Variants in KANSL1 observed in about 807,000 individuals in gnomAD.
The protein encoded by KANSL1 is KAT8 regulatory NSL complex subunit 1.
In KANSL1, 22 loss-of-function variants were observed where a neutral mutation model predicts 103.6. The observed-to-expected ratio is 0.21, with a 90% CI of 0.15 to 0.30. The LOEUF (loss-of-function observed/expected upper bound fraction) is 0.30. KANSL1 is among the 10% of genes least tolerant of loss of function. KANSL1 has a pLI of 1.00. For missense variants in KANSL1, 1,337 were observed against 1,399.8 expected (o/e 0.96, Z 0.72); for synonymous variants, 600 against 527.6 (o/e 1.14, Z -1.88).
In KANSL1 at chr17:46,218,255, A is replaced by C. The variant is rs569555764; in HGVS notation, c.-90+5416T>G. 7.2e-5 allele frequency among the ~76,000 whole-genome samples: 11 copies of C among 152,392 alleles called. No homozygotes were observed. The South Asian group carries it at 1.9e-3, about 26-fold the overall frequency. On this transcript the variant is annotated intron_variant, in intron 1 of 14. Transcript: ENST00000572904. Reference sequence around the variant, plus strand: ...GCAGCAGCCTTAGCAAACAGATGTCATAAGAAAATTCGCAGCTCAGGTTTA... The same window carrying C: ...GCAGCAGCCTTAGCAAACAGATGTCCTAAGAAAATTCGCAGCTCAGGTTTA...
intron 6 of KANSL1, among the ~76,000 whole-genome samples, chr17:46,064,539 C>T (rs1345994565): frequency 6.6e-6 from 1 of 151,990 alleles, no homozygotes; most frequent in East Asian, 1.9e-4. Context: ...CCAATGTCTG[C>T]AACAACCCCA....
intron 2 of KANSL1, 101 bp downstream of exon 2, chr17:46,170,754 C>A: frequency 1.5e-6 from 2 of 1,296,208 alleles, no homozygotes; most frequent in Non-Finnish European, 1.1e-6. Flanking sequence ...AACCTAGACA[C>A]CTATGTACAA....
In KANSL1 at chr17:46,116,625, T is replaced by G. The variant is rs538784772; in HGVS notation, c.1290-21924A>C. ...TTAAAAGTAGATCAGGAAGGAATAATAAGTCAATTCATTATCAACCTTGTG... is the reference window on the plus strand; with the variant it reads ...TTAAAAGTAGATCAGGAAGGAATAAGAAGTCAATTCATTATCAACCTTGTG... On this transcript the variant is annotated intron_variant, in intron 2 of 14. Transcript: ENST00000432791. Among the ~76,000 whole-genome samples the G allele has an allele frequency of 2.6e-4, 39 of 152,290 alleles. No homozygotes were observed. In the South Asian group the frequency reaches 7.9e-3, roughly 31 times the overall value.
chr17:46,061,571 A>C (rs748011789), intron 6 of KANSL1, among the ~76,000 whole-genome samples: 11 of 152,152 alleles, frequency 7.2e-5, no homozygotes, highest in Non-Finnish European at 1.6e-4. Context: ...ACAACTAGTA[A>C]TTCCGTCATT....
At chr17:46,075,097 T>C in intron 4 of KANSL1, among the ~76,000 whole-genome samples, 1 of 152,158 alleles carries the variant, frequency 6.6e-6, no homozygotes, top group East Asian at 1.9e-4. Context: ...TCTCACATAT[T>C]GAAGGACATT....
At chr17:46,085,462 C>T (rs1043922033) in intron 3 of KANSL1, among the ~76,000 whole-genome samples, 1 of 152,058 alleles carries the variant, frequency 6.6e-6, no homozygotes, top group African/African-American at 2.4e-5. Context: ...TAATCTTATG[C>T]CACATTATTT....
intron 2 of KANSL1, among the ~76,000 whole-genome samples, chr17:46,148,447 C>G (rs932617120): frequency 6.6e-6 from 1 of 152,190 alleles, no homozygotes; most frequent in Non-Finnish European, 1.5e-5. Flanking sequence ...TATCATTTAT[C>G]AAAAACAGGA....
At chr17:46,109,986 T>C (rs1212682931) in intron 2 of KANSL1, among the ~76,000 whole-genome samples, 1 of 152,160 alleles carries the variant, frequency 6.6e-6, no homozygotes, top group Non-Finnish European at 1.5e-5. Context: ...ACTGCTTCAA[T>C]GGGAGATTAT....
chr17:46,215,488 G>A (rs1405080657), intron 1 of KANSL1, among the ~76,000 whole-genome samples: 1 of 152,234 alleles, frequency 6.6e-6, no homozygotes, highest in Non-Finnish European at 1.5e-5. Flanking sequence ...AAGCAGTCAA[G>A]GAGAATGATT....
chr17:46,205,924 A>G (rs2047952472), intron 1 of KANSL1, among the ~76,000 whole-genome samples: 2 of 152,002 alleles, frequency 1.3e-5, no homozygotes, highest in Non-Finnish European at 2.9e-5. Context: ...CAAAAATACA[A>G]AAATGAGCTA....
rs1234685295 is a variant in KANSL1 at position 46,148,508 on chromosome 17, G to A, written c.1289+22347C>T. On this transcript the variant is annotated intron_variant, in intron 2 of 14. Coordinates refer to ENST00000432791, the MANE Select transcript of KANSL1 (RefSeq NM_015443.4). ...GCTCTGAACTAATTATTTAACATAA[G>A]GTCATTTTTACGAGTTCACATGCTG... Among the ~76,000 whole-genome samples the A allele has an allele frequency of 3.3e-5, 5 of 152,114 alleles. 1 individual carries two copies. In the South Asian group the frequency reaches 1.0e-3, roughly 31 times the overall value.
intron 2 of KANSL1, among the ~76,000 whole-genome samples, chr17:46,164,577 A>C (rs1205935009): frequency 6.6e-6 from 1 of 152,272 alleles, no homozygotes; most frequent in Non-Finnish European, 1.5e-5. Flanking sequence ...ACTTTAATGG[A>C]CTATGAAAAG....
intron 1 of KANSL1, among the ~76,000 whole-genome samples, chr17:46,216,057 T>TA (rs1002669467): frequency 2.0e-5 from 3 of 151,120 alleles, no homozygotes; most frequent in African/African-American, 7.3e-5. Flanking sequence ...ATAATAATAA[T>TA]AAAAAAATAA....
chr17:46,038,169 C>A, intron 10 of KANSL1: 1 of 202,114 alleles, frequency 4.9e-6, no homozygotes, highest in Non-Finnish European at 9.9e-6. Flanking sequence ...CACCCCTCCT[C>A]TCTTGTTCAC....
chr17:46,212,515 G>A (rs1017340576), intron 1 of KANSL1, among the ~76,000 whole-genome samples: 14 of 152,098 alleles, frequency 9.2e-5, no homozygotes, highest in East Asian at 1.9e-4. Context: ...CACCGCACCC[G>A]GCCAGAAAAA....
intron 7 of KANSL1, chr17:46,041,344 CCTTTT>C (rs1439254297): frequency 6.6e-6 from 1 of 152,174 alleles, no homozygotes; most frequent in East Asian, 1.9e-4. Context: ...TTTAGATTTT[CCTTTT>C]CATGTTTTCA....
At chr17:46,039,483 AT>A in intron 8 of KANSL1, 1 of 617,954 alleles carries the variant, frequency 1.6e-6, no homozygotes, top group African/African-American at 1.9e-5. Context: ...TTCACTGAGC[AT>A]TTTGGGTCTT....
At chr17:46,092,897 C>A (rs1341135355) in intron 3 of KANSL1, 1 of 151,942 alleles carries the variant, frequency 6.6e-6, no homozygotes, top group Non-Finnish European at 1.5e-5. Context: ...ATTTCTTTGT[C>A]GTACTTAAAA....
At chr17:46,058,188 G>A (rs569272235) in intron 6 of KANSL1, among the ~76,000 whole-genome samples, 4 of 152,312 alleles carry the variant, frequency 2.6e-5, no homozygotes, top group African/African-American at 9.6e-5. Context: ...AGATCCCCCT[G>A]AGTGTTTGCT....
Sources: gnomAD v4.1 joint callset for allele counts (sites outside exome capture counted in the v4.1 genomes callset) on GRCh38, gnomAD v4.1.1 for gene constraint, MANE v1.5 for transcripts, NCBI Gene and HGNC (gene_info 2026-07-23, HGNC 2026-07-21) for gene names.